Variants in ZNF778 observed in about 807,000 individuals in gnomAD.
The protein encoded by ZNF778 is zinc finger protein 778.
Under a neutral mutation model 23.9 loss-of-function variants are expected in ZNF778, and 37 were observed. That is an observed-to-expected ratio of 1.54 (90% CI 1.19 to 2.03). ZNF778 has a LOEUF of 2.03. ZNF778 is among the 30% of genes most tolerant of loss of function. The pLI is 0.00. For synonymous variants in ZNF778, 483 were observed against 343.9 expected, an observed-to-expected ratio of 1.40 and a Z score of -4.48; for missense variants, 1,297 against 934.4, an observed-to-expected ratio of 1.39 and a Z score of -5.06.
At position 89,232,859 on chromosome 16, in the gene ZNF778, A is replaced by T. The variant is rs904278304; in HGVS notation, c.*4297A>T. On this transcript the variant is annotated 3_prime_UTR_variant, in exon 7 of 7. Transcript: ENST00000433976. ...CAACTCAACTCACACCGTGTATGCA[A>T]ATCAACTCGCACTGCGTATGCAACT... is the stretch of plus-strand genomic sequence containing the variant. 1.2e-5 allele frequency: 16 copies of T among 1,289,160 alleles called. No individual in the cohort carries two copies. The highest frequency in any genetic ancestry group is 1.6e-5 in the Non-Finnish European group (16 of 988,740). 79.9% of individuals were successfully genotyped at this position (1,289,160 alleles called of 1,614,324 possible). A position where few individuals can be genotyped will look rare whatever the true frequency, so the allele number is the denominator to read the frequency against.
Position 89,231,149 on chromosome 16 carries a change from G to C in ZNF778, c.*2587G>C, listed in dbSNP as rs1010648942. The stretch of plus-strand genomic sequence containing the variant: ...TTGAGTGTGGCTATTTAGCTCATCT[G>C]TTGCCACCTTTAATTGTTGGCATTG... On this transcript the variant is annotated 3_prime_UTR_variant, in exon 7 of 7. Transcript: ENST00000433976. 1 of 152,300 alleles carries C rather than the reference G, an allele frequency of 6.6e-6. No individual in the cohort carries two copies. The highest frequency in any genetic ancestry group is 1.5e-5 in the Non-Finnish European group (1 of 68,092). The allele number at this position is 152,300 out of a possible 1,614,324, so 9.4% of individuals were successfully genotyped here.
At chr16:89,222,937 C>T (rs556749972) in intron 3 of ZNF778, among the ~76,000 whole-genome samples, 9 of 142,792 alleles carry the variant, frequency 6.3e-5, no homozygotes, top group Non-Finnish European at 1.2e-4. Flanking sequence ...AGGAGCGCGA[C>T]AGGGCACGCG....
rs2031718678 is a variant in ZNF778, at chr16:89,228,587, AGCT to A, written c.*26_*28del. The A allele has an allele frequency of 4.5e-6, 7 of 1,543,528 alleles. No homozygotes were observed. The South Asian group carries it at 6.5e-5, about 14-fold the overall frequency. ...ATGTAAAGAATGTGGGGAAGCTGTC[AGCT>A]ACACTCATTCACGTTGAAGACATGA... On this transcript the variant is annotated 3_prime_UTR_variant, in exon 7 of 7. Coordinates refer to ENST00000433976, the MANE Select transcript of ZNF778 (RefSeq NM_001201407.2).
Position 89,225,709 on chromosome 16 carries a change from A to G in ZNF778, c.405+78A>G, listed in dbSNP as rs1027348353. ...AATTCCACTATAGAAAATGAGCAAA[A>G]TTGAGAGAATTTAGAGAAGCAGGAT... On this transcript the variant is annotated intron_variant, in intron 6 of 6. Transcript: ENST00000433976. The G allele has an allele frequency of 1.2e-5, 15 of 1,294,580 alleles. No individual in the cohort carries two copies. In the African/African-American group the frequency reaches 2.1e-4, roughly 18 times the overall value. 80.2% of individuals were successfully genotyped at this position (1,294,580 alleles called of 1,614,324 possible). A position where few individuals can be genotyped will look rare whatever the true frequency, so the allele number is the denominator to read the frequency against.
chr16:89,231,635 G>A lies in ZNF778; in HGVS notation c.*3073G>A, dbSNP rs1346303067. ...TGCTGTCCGCTAACCCGTGATCCTG[G>A]TGTAATCTCAACCAAAACCCACAGC... On this transcript the variant is annotated 3_prime_UTR_variant, in exon 7 of 7. Coordinates refer to ENST00000433976, the MANE Select transcript of ZNF778 (RefSeq NM_001201407.2). 1 of 152,194 alleles carries A rather than the reference G, an allele frequency of 6.6e-6. No homozygotes were observed. The highest frequency in any genetic ancestry group is 1.5e-5 in the Non-Finnish European group (1 of 68,060). 9.4% of individuals were successfully genotyped at this position (152,194 alleles called of 1,614,324 possible).
rs575219685 is a variant in ZNF778, at chr16:89,219,996, T to C, written c.-131-1001T>C. On this transcript the variant is annotated intron_variant, in intron 1 of 6. Transcript: ENST00000433976. ...ATATTTCATATGAAGTTATCTAAAATGTGTTCATTTTCTGTTCACTGTATC... is the reference window on the plus strand; with the variant it reads ...ATATTTCATATGAAGTTATCTAAAACGTGTTCATTTTCTGTTCACTGTATC... Among the ~76,000 whole-genome samples the C allele has an allele frequency of 2.0e-5, 3 of 152,332 alleles. No individual in the cohort carries two copies. The South Asian group carries it at 6.2e-4, about 32-fold the overall frequency.
In ZNF778 at chr16:89,223,186, G is replaced by A; in HGVS notation, c.147G>A (p.Val49=). 1 of 1,613,948 alleles carries A rather than the reference G, an allele frequency of 6.2e-7. No individual in the cohort carries two copies. Among genetic ancestry groups the A allele is most frequent in the Non-Finnish European group, 8.5e-7 (1 of 1,179,952 alleles). ...QDAVTFDDVA[V]DFTQEEWTLL... is the part of the protein sequence containing the mutation. ...CGGTGACCTTTGACGACGTGGCTGT[G>A]GACTTCACCCAGGAGGAATGGACTT... is the stretch of plus-strand genomic sequence containing the variant. The change falls in exon 4 of 7, where the codon GTG becomes GTA. Residue 49 remains valine, a synonymous_variant. Coordinates refer to ENST00000433976, the MANE Select transcript of ZNF778 (RefSeq NM_001201407.2).
Position 89,227,841 on chromosome 16 carries a change from C to G in ZNF778, c.1553C>G (p.Ser518Ter). 3 of 1,614,022 alleles carry G rather than the reference C, an allele frequency of 1.9e-6. No individual in the cohort carries two copies. Among genetic ancestry groups the G allele is most frequent in the South Asian group, 1.1e-5 (1 of 91,070 alleles). The change falls in exon 7 of 7, where the codon TCA (serine) becomes TGA (stop). Residue 518 changes from serine to a stop codon, truncating the protein, a stop_gained. Coordinates refer to ENST00000433976, the MANE Select transcript of ZNF778 (RefSeq NM_001201407.2). LOFTEE classifies it low-confidence loss of function (END_TRUNC). ...KQCGKAFTGRSGLTKHMRTHT... is the reference protein window; with the variant it reads ...KQCGKAFTGR Reference sequence around the variant, plus strand: ...TGTGGCAAAGCCTTCACAGGGCGCTCAGGCCTCACTAAACACATGCGGACA... The same window carrying G: ...TGTGGCAAAGCCTTCACAGGGCGCTGAGGCCTCACTAAACACATGCGGACA...
intron 4 of ZNF778, 131 bp downstream of exon 4, chr16:89,223,414 C>G (rs1388822626): frequency 1.5e-6 from 2 of 1,301,798 alleles, no homozygotes; most frequent in African/African-American, 3.0e-5. Flanking sequence ...TGCTAGTAGG[C>G]TTGGTGCTAG....
rs1180821656 is a variant in ZNF778, at chr16:89,232,484, T to C, written c.*3922T>C. On this transcript the variant is annotated 3_prime_UTR_variant, in exon 7 of 7. Coordinates refer to ENST00000433976, the MANE Select transcript of ZNF778 (RefSeq NM_001201407.2). ...GGGTTATGGGCAGGACTGCAAGTAC[T>C]GGTTAGGCAGATACCTGTATTTCTC... The C allele has an allele frequency of 2.1e-6, 1 of 470,944 alleles. No homozygotes were observed. Among genetic ancestry groups the C allele is most frequent in the African/African-American group, 2.0e-5 (1 of 48,918 alleles). The allele number at this position is 470,944 out of a possible 1,614,324, so 29.2% of individuals were successfully genotyped here.
At chr16:89,226,602 TA>T in intron 6 of ZNF778, 91 bp from the exon 7 acceptor site, 1 of 1,202,148 alleles carries the variant, frequency 8.3e-7, no homozygotes, top group Non-Finnish European at 1.2e-6. Context: ...GCAAAAATCG[TA>T]ATCATCATCG....
In ZNF778 at chr16:89,230,275, G is replaced by A. The variant is rs533532448; in HGVS notation, c.*1713G>A. 1.8e-5 allele frequency: 3 copies of A among 170,866 alleles called. No individual in the cohort carries two copies. In the East Asian group the frequency reaches 5.7e-4, roughly 33 times the overall value. 10.6% of individuals were successfully genotyped at this position (170,866 alleles called of 1,614,324 possible). A position where few individuals can be genotyped will look rare whatever the true frequency, so the allele number is the denominator to read the frequency against. On this transcript the variant is annotated 3_prime_UTR_variant, in exon 7 of 7. Transcript: ENST00000433976. ...GAGATGCCCCCGTTTCATGGCCGTG[G>A]AGGGAGAACCACCACCCCCCACGTG... is the stretch of plus-strand genomic sequence containing the variant.
At chr16:89,221,985 G>A (rs2030999894) in intron 2 of ZNF778, 107 bp from the exon 3 acceptor site, 2 of 695,424 alleles carry the variant, frequency 2.9e-6, no homozygotes, top group East Asian at 2.7e-5. Flanking sequence ...GAGTGTGCAG[G>A]AGTACGTGAT....
At position 89,233,754 on chromosome 16, in the gene ZNF778, C is replaced by T. The variant is rs1430426998; in HGVS notation, c.*5192C>T. On this transcript the variant is annotated 3_prime_UTR_variant, in exon 7 of 7. Coordinates refer to ENST00000433976, the MANE Select transcript of ZNF778 (RefSeq NM_001201407.2). ...CTCGCACTGCATATGCAACTCAACT[C>T]GCACTGCGTATGCAACTCAACTCGC... The T allele has an allele frequency of 2.8e-5, 33 of 1,185,906 alleles. 1 individual carries two copies. The highest frequency in any genetic ancestry group is 5.3e-5 in the South Asian group (4 of 74,892). The allele number at this position is 1,185,906 out of a possible 1,614,324, so 73.5% of individuals were successfully genotyped here.
Position 89,234,596 on chromosome 16 carries a change from T to C in ZNF778, c.*6034T>C, listed in dbSNP as rs2032185473. 1 of 160,862 alleles carries C rather than the reference T, an allele frequency of 6.2e-6. No homozygotes were observed. Among genetic ancestry groups the C allele is most frequent in the Non-Finnish European group, 1.4e-5 (1 of 73,098 alleles). The allele number at this position is 160,862 out of a possible 1,614,324, so 10.0% of individuals were successfully genotyped here. A position where few individuals can be genotyped will look rare whatever the true frequency, so the allele number is the denominator to read the frequency against. On this transcript the variant is annotated 3_prime_UTR_variant, in exon 7 of 7. Coordinates refer to ENST00000433976, the MANE Select transcript of ZNF778 (RefSeq NM_001201407.2). ...AGATTGCAGTGGTTTCCACTTCACCTGTTTCCACTTTTGTGATGATGCCTT... is the reference window on the plus strand; with the variant it reads ...AGATTGCAGTGGTTTCCACTTCACCCGTTTCCACTTTTGTGATGATGCCTT...
In ZNF778 at chr16:89,227,351, C is replaced by G. The variant is rs752978448; in HGVS notation, c.1063C>G (p.His355Asp). 2.5e-6 allele frequency: 4 copies of G among 1,613,830 alleles called. No homozygotes were observed. Among genetic ancestry groups the G allele is most frequent in the Non-Finnish European group, 3.4e-6 (4 of 1,179,862 alleles). Residue 355 changes from histidine (H) to aspartate (D), a missense_variant, in exon 7 of 7, where the codon CAC becomes GAC. Physicochemically the swap from His to Asp is moderately conservative, Grantham distance 81 (BLOSUM62 -1). Coordinates refer to ENST00000433976, the MANE Select transcript of ZNF778 (RefSeq NM_001201407.2). ...CACTGGACTCTCAGGTCTTTCTAAA[C>G]ACGTCCAAACAGACCCTGGACAGAA... ...AFTGLSGLSK[H>D]VQTDPGQKPY...
At position 89,233,015 on chromosome 16, in the gene ZNF778, G is replaced by A. The variant is rs2032034368; in HGVS notation, c.*4453G>A. The A allele has an allele frequency of 7.8e-7, 1 of 1,275,762 alleles. No homozygotes were observed. The highest frequency in any genetic ancestry group is 1.0e-6 in the Non-Finnish European group (1 of 982,586). 79.0% of individuals were successfully genotyped at this position (1,275,762 alleles called of 1,614,324 possible). A position where few individuals can be genotyped will look rare whatever the true frequency, so the allele number is the denominator to read the frequency against. On this transcript the variant is annotated 3_prime_UTR_variant, in exon 7 of 7. Coordinates refer to ENST00000433976, the MANE Select transcript of ZNF778 (RefSeq NM_001201407.2). The stretch of plus-strand genomic sequence containing the variant: ...ATGCAACCCAGCTCGCTCTGCGTAT[G>A]CAACTCAAGTCGCACTGCGTATGCA...
intron 1 of ZNF778, among the ~76,000 whole-genome samples, chr16:89,219,901 G>A (rs1435917623): frequency 6.6e-6 from 1 of 152,268 alleles, no homozygotes; most frequent in African/African-American, 2.4e-5. Context: ...CGGAGGGGAT[G>A]TCTTTATGTA....
rs150807651 is a variant in ZNF778 at position 89,220,580 on chromosome 16, C to T, written c.-131-417C>T. ...GGCTGAGGTGGAAGAATTGCTTGAACCTGGGAGGCAGAGGTTGCAGTGAGC... is the reference window on the plus strand; with the variant it reads ...GGCTGAGGTGGAAGAATTGCTTGAATCTGGGAGGCAGAGGTTGCAGTGAGC... On this transcript the variant is annotated intron_variant, in intron 1 of 6. Coordinates refer to ENST00000433976, the MANE Select transcript of ZNF778 (RefSeq NM_001201407.2). Among the ~76,000 whole-genome samples the T allele has an allele frequency of 4.9e-3, 753 of 152,290 alleles. 6 individuals carry two copies. The highest frequency in any genetic ancestry group is 0.017 in the African/African-American group (708 of 41,564).
Sources: allele counts gnomAD v4.1 joint callset (sites outside exome capture counted in the v4.1 genomes callset), GRCh38; gene constraint gnomAD v4.1.1; transcripts MANE v1.5; gene names NCBI Gene and HGNC (gene_info 2026-07-23, HGNC 2026-07-21).